Variants in TSPAN33 observed in about 807,000 individuals in gnomAD.
TSPAN33 encodes tetraspanin-33.
A neutral mutation model predicts 34.8 loss-of-function variants in TSPAN33; 27 were observed. The observed-to-expected ratio is 0.78, with a 90% CI of 0.57 to 1.07. TSPAN33 has a LOEUF of 1.07. Ranked by LOEUF, TSPAN33 falls within the 50% of genes least tolerant of loss-of-function variation. TSPAN33 has a pLI of 0.00. For missense variants in TSPAN33, 272 were observed against 324.9 expected, an observed-to-expected ratio of 0.84 and a Z score of 1.25; for synonymous variants, 119 against 124.2, an observed-to-expected ratio of 0.96 and a Z score of 0.28.
chr7:129,155,417 T>A (rs577982516), intron 1 of TSPAN33, among the ~76,000 whole-genome samples: 1 of 152,356 alleles, frequency 6.6e-6, no homozygotes, highest in South Asian at 2.1e-4. Flanking sequence ...AAATGATAAA[T>A]GTTCAAGGTG....
intron 1 of TSPAN33, among the ~76,000 whole-genome samples, chr7:129,155,424 G>T (rs894783229): frequency 6.6e-6 from 1 of 152,144 alleles, no homozygotes; most frequent in African/African-American, 2.4e-5. Flanking sequence ...AAATGTTCAA[G>T]GTGGTGGATG....
At position 129,161,837 on chromosome 7, in the gene TSPAN33, G is replaced by A. The variant is rs1258189491; in HGVS notation, c.160+101G>A. On this transcript the variant is annotated intron_variant, in intron 2 of 7. Coordinates refer to ENST00000486685, the MANE Select transcript of TSPAN33 (RefSeq NM_178562.5). ...TCACACATAAGCTATGGGGCTAAAGGAGGCAGCCTCCCTGGAGCCAAATCT... is the reference window on the plus strand; with the variant it reads ...TCACACATAAGCTATGGGGCTAAAGAAGGCAGCCTCCCTGGAGCCAAATCT... The A allele has an allele frequency of 6.8e-6, 10 of 1,475,198 alleles. No individual in the cohort carries two copies. In the Admixed American group the frequency reaches 1.1e-4, roughly 16 times the overall value. 91.4% of individuals were successfully genotyped at this position (1,475,198 alleles called of 1,614,324 possible).
chr7:129,144,744 G>A lies in TSPAN33; in HGVS notation c.-237G>A, dbSNP rs1420129724. On this transcript the variant is annotated 5_prime_UTR_variant, in exon 1 of 8. Transcript: ENST00000486685. ...CTGGCCGGGCTGGTCCTGCGGCCGC[G>A]GGTGAGTCTCGTCCGCTCGCGCTGC... 2.8e-5 allele frequency: 3 copies of A among 107,402 alleles called. No homozygotes were observed. The South Asian group carries it at 9.7e-4, about 35-fold the overall frequency. 6.7% of individuals were successfully genotyped at this position (107,402 alleles called of 1,614,324 possible). A position where few individuals can be genotyped will look rare whatever the true frequency, so the allele number is the denominator to read the frequency against.
At chr7:129,153,285 T>C (rs920054796) in intron 1 of TSPAN33, among the ~76,000 whole-genome samples, 3 of 152,002 alleles carry the variant, frequency 2.0e-5, no homozygotes, top group African/African-American at 7.2e-5. Flanking sequence ...GGGTTTCTAT[T>C]TGGGGTGATG....
intron 1 of TSPAN33, among the ~76,000 whole-genome samples, chr7:129,156,894 G>A (rs1246955348): frequency 1.3e-5 from 2 of 152,108 alleles, no homozygotes; most frequent in African/African-American, 4.8e-5. Context: ...ACTGGTGTGT[G>A]CAAATTATTT....
intron 4 of TSPAN33, among the ~76,000 whole-genome samples, chr7:129,164,215 A>G (rs1455224737): frequency 6.6e-6 from 1 of 152,220 alleles, no homozygotes; most frequent in African/African-American, 2.4e-5. Flanking sequence ...ATTCAGAGAT[A>G]GATACACATT....
At position 129,145,084 on chromosome 7, in the gene TSPAN33, T is replaced by TGAGTCTCGGGGTCGAGGGCACCTGGGC. The variant is rs765225000; in HGVS notation, c.102+4_102+30dup. 1 of 713,582 alleles carries TGAGTCTCGGGGTCGAGGGCACCTGGGC rather than the reference T, an allele frequency of 1.4e-6. No individual in the cohort carries two copies. The highest frequency in any genetic ancestry group is 2.0e-5 in the Admixed American group (1 of 51,132). The allele number at this position is 713,582 out of a possible 1,614,324, so 44.2% of individuals were successfully genotyped here. A position where few individuals can be genotyped will look rare whatever the true frequency, so the allele number is the denominator to read the frequency against. On this transcript the variant is annotated splice_region_variant and intron_variant, in intron 1 of 7. Coordinates refer to ENST00000486685, the MANE Select transcript of TSPAN33 (RefSeq NM_178562.5). ...TTCTTCTTCAACATGCTCTTCTGGG[T>TGAGTCTCGGGGTCGAGGGCACCTGGGC]GAGTCTCGGGGTCGAGGGCACCTGG...
intron 1 of TSPAN33, among the ~76,000 whole-genome samples, chr7:129,153,650 T>A (rs1810630615): frequency 1.4e-4 from 1 of 7,194 alleles, no homozygotes; most frequent in African/African-American, 1.6e-4. Flanking sequence ...TGTATTAAAG[T>A]TTAAAAAAGA....
In TSPAN33 at chr7:129,165,780, C is replaced by T. The variant is rs1162837596; in HGVS notation, c.460-998C>T. On this transcript the variant is annotated intron_variant, in intron 5 of 7. Transcript: ENST00000486685. The surrounding 1 kb of genome is among the most constrained non-coding windows in gnomAD (Gnocchi z 4.5). ...CAAAAATTAGCCGGGTTTGGTGGCGCACACCTGTAGTCCCAGCTACTCAGG... is the reference window on the plus strand; with the variant it reads ...CAAAAATTAGCCGGGTTTGGTGGCGTACACCTGTAGTCCCAGCTACTCAGG... 4.6e-5 allele frequency among the ~76,000 whole-genome samples: 7 copies of T among 152,100 alleles called. No homozygotes were observed. Among genetic ancestry groups the T allele is most frequent in the Admixed American group, 4.6e-4 (7 of 15,274 alleles).
In TSPAN33 at chr7:129,165,902, T is replaced by TC; in HGVS notation, c.460-874dup. ...TCCAGCCTGGGTGACAGACAGAGAC[T>TC]CCGTCTCAAAAATAAATAAGTGAAA... On this transcript the variant is annotated intron_variant, in intron 5 of 7. Transcript: ENST00000486685. This position sits in a 1 kb window ranked among gnomAD's most constrained non-coding sequence, Gnocchi z 4.5. Among the ~76,000 whole-genome samples, 1 of 150,900 alleles carries TC rather than the reference T, an allele frequency of 6.6e-6. No individual in the cohort carries two copies. The highest frequency in any genetic ancestry group is 1.5e-5 in the Non-Finnish European group (1 of 67,788).
rs768211292 is a variant in TSPAN33 at position 129,167,785 on chromosome 7, C to T, written c.763C>T (p.Leu255=). ...TTGCCTCTCCCAGCTGGTGGGAATT[C>T]TGCTGTCCCAGATCCTAGTGAATCA... The part of the protein sequence containing the change: ...GLAIPQLVGI[L]LSQILVNQIK... The change falls in exon 8 of 8, where the codon CTG becomes TTG. Residue 255 remains leucine, a synonymous_variant. Transcript: ENST00000486685. The surrounding 1 kb of genome is among the most constrained non-coding windows in gnomAD (Gnocchi z 4.6). 9 of 1,614,204 alleles carry T rather than the reference C, an allele frequency of 5.6e-6. No individual in the cohort carries two copies. The highest frequency in any genetic ancestry group is 7.6e-6 in the Non-Finnish European group (9 of 1,180,024).
At chr7:129,156,116 A>T (rs1810661601) in intron 1 of TSPAN33, among the ~76,000 whole-genome samples, 1 of 151,974 alleles carries the variant, frequency 6.6e-6, no homozygotes, top group Non-Finnish European at 1.5e-5. Flanking sequence ...AATGACCTTG[A>T]CAGTTTTGGG....
In TSPAN33 at chr7:129,164,514, T is replaced by G. The variant is rs2150628074; in HGVS notation, c.404T>G (p.Val135Gly). 2 of 1,614,136 alleles carry G rather than the reference T, an allele frequency of 1.2e-6. No homozygotes were observed. The highest frequency in any genetic ancestry group is 4.5e-5 in the East Asian group (2 of 44,878). The change falls in exon 5 of 8, where the codon GTG (valine) becomes GGG (glycine). Residue 135 changes from valine to glycine, a missense_variant. By Grantham distance (109) the Val-to-Gly change is moderately radical (BLOSUM62 -3). Coordinates refer to ENST00000486685, the MANE Select transcript of TSPAN33 (RefSeq NM_178562.5). The stretch of plus-strand genomic sequence containing the variant: ...AGTGAGATCATCAACAATGCCATTG[T>G]GCACTACCGAGATGACTTGGATCTG... ...KVSEIINNAIVHYRDDLDLQN... is the reference protein window; with the variant it reads ...KVSEIINNAIGHYRDDLDLQN...
intron 2 of TSPAN33, 61 bp downstream of exon 2, chr7:129,161,797 C>A: frequency 1.2e-6 from 2 of 1,603,726 alleles, no homozygotes; most frequent in Non-Finnish European, 1.7e-6. Context: ...CCCTCTGCCT[C>A]CTTCAGCCTG....
At chr7:129,158,513 A>G (rs1307476655) in intron 1 of TSPAN33, among the ~76,000 whole-genome samples, 1 of 152,150 alleles carries the variant, frequency 6.6e-6, no homozygotes, top group African/African-American at 2.4e-5. Context: ...GGTAATAAGC[A>G]TAAGTAGTTT....
At chr7:129,147,232 G>GTGA (rs1347376141) in intron 1 of TSPAN33, among the ~76,000 whole-genome samples, 2 of 152,190 alleles carry the variant, frequency 1.3e-5, no homozygotes, top group Non-Finnish European at 2.9e-5. Context: ...AACTTACTGT[G>GTGA]TGACCCTAAG....
At chr7:129,161,594 C>T in intron 1 of TSPAN33, 85 bp from the exon 2 acceptor site, 2 of 1,320,022 alleles carry the variant, frequency 1.5e-6, no homozygotes, top group Non-Finnish European at 2.2e-6. Context: ...AGCAGTCCTT[C>T]TCCTGCTCTC....
Position 129,167,429 on chromosome 7 carries a change from A to T in TSPAN33, c.619A>T (p.Met207Leu). 4 of 1,614,176 alleles carry T rather than the reference A, an allele frequency of 2.5e-6. No individual in the cohort carries two copies. Among genetic ancestry groups the T allele is most frequent in the Non-Finnish European group, 3.4e-6 (4 of 1,179,994 alleles). The change falls in exon 7 of 8, where the codon ATG becomes TTG. Residue 207 changes from methionine (M) to leucine (L), a missense_variant. Coordinates refer to ENST00000486685, the MANE Select transcript of TSPAN33 (RefSeq NM_178562.5). This position sits in a 1 kb window ranked among gnomAD's most constrained non-coding sequence, Gnocchi z 4.6. Reference protein sequence around the residue: ...AVINTMCGQGMQAFDYLEASK... With the variant: ...AVINTMCGQGLQAFDYLEASK... ...GATCAACACTATGTGTGGCCAAGGT[A>T]TGCAGGCCTTTGACTACTTGGAAGC... is the stretch of plus-strand genomic sequence containing the variant.
rs754008842 is a variant in TSPAN33, at chr7:129,157,002, C to T, written c.103-4677C>T. Among the ~76,000 whole-genome samples the T allele has an allele frequency of 4.8e-4, 73 of 152,184 alleles. 2 individuals carry two copies. Among genetic ancestry groups the T allele is most frequent in the Non-Finnish European group, 5.9e-5 (4 of 68,040 alleles). Reference sequence around the variant, plus strand: ...GTATCTAGCTCTTAGAAGTTTCCAGCCAGGCTTCATTCTAGTCGGAATGTG... The same window carrying T: ...GTATCTAGCTCTTAGAAGTTTCCAGTCAGGCTTCATTCTAGTCGGAATGTG... On this transcript the variant is annotated intron_variant, in intron 1 of 7. Transcript: ENST00000486685.
Sources: allele counts gnomAD v4.1 joint callset (sites outside exome capture counted in the v4.1 genomes callset), GRCh38; gene constraint gnomAD v4.1.1; non-coding constraint Gnocchi (gnomAD v3.1); transcripts MANE v1.5; gene names NCBI Gene and HGNC (gene_info 2026-07-23, HGNC 2026-07-21).